PTPRA: variants seen among roughly 807,000 people sequenced by gnomAD.
PTPRA encodes receptor-type tyrosine-protein phosphatase alpha.
In PTPRA, 25 loss-of-function variants were observed where a neutral mutation model predicts 104.8. The ratio of observed to expected loss-of-function variants is 0.24; its 90% CI spans 0.17 to 0.33. The LOEUF is 0.33. Ranked by LOEUF, PTPRA falls within the 10% of genes least tolerant of loss-of-function variation. The pLI, the probability that PTPRA is intolerant of heterozygous loss-of-function variation, is 1.00. For synonymous variants in PTPRA, 323 were observed against 368.9 expected, an observed-to-expected ratio of 0.88 and a Z score of 1.43; for missense variants, 765 against 1,015.3, an observed-to-expected ratio of 0.75 and a Z score of 3.35.
rs907213691 is a variant in PTPRA at position 2,950,516 on chromosome 20, A to G, written c.-7+2492A>G. On this transcript the variant is annotated intron_variant, in intron 3 of 23. Coordinates refer to ENST00000399903, the MANE Select transcript of PTPRA (RefSeq NM_001385305.1). This position sits in a 1 kb window ranked among gnomAD's most constrained non-coding sequence, Gnocchi z 4.0. ...AAATTAGCCGGGCGTGGTGGCAGGC[A>G]CCTGTAGTCCCAGCTACTCAGAAGG... 2.0e-5 allele frequency among the ~76,000 whole-genome samples: 3 copies of G among 151,550 alleles called. No individual in the cohort carries two copies. The highest frequency in any genetic ancestry group is 2.9e-5 in the Non-Finnish European group (2 of 67,880).
chr20:2,875,380 T>C (rs1443897754), intron 1 of PTPRA, among the ~76,000 whole-genome samples: 2 of 152,162 alleles, frequency 1.3e-5, no homozygotes, highest in Non-Finnish European at 2.9e-5. Context: ...ACCTGGCTGA[T>C]ACCGTGCATT....
intron 16 of PTPRA, among the ~76,000 whole-genome samples, chr20:3,023,212 C>T (rs1194681310): frequency 1.3e-5 from 2 of 152,254 alleles, no homozygotes; most frequent in Admixed American, 6.5e-5. Flanking sequence ...CAGTCTCAAG[C>T]ACCCAGGGAC....
intron 9 of PTPRA, among the ~76,000 whole-genome samples, chr20:2,989,805 C>T (rs914703205): frequency 7.9e-4 from 120 of 152,148 alleles, no homozygotes; most frequent in Non-Finnish European, 1.4e-3. Flanking sequence ...ATCACAAGGT[C>T]AGGAGATCGA....
At position 3,000,583 on chromosome 20, in the gene PTPRA, A is replaced by C. The variant is rs182899521; in HGVS notation, c.739-4473A>C. Reference sequence around the variant, plus strand: ...GAAATTCTTGCACATATGCACAAGAAAGATACAAAAATGTGTCTCAAAGCA... The same window carrying C: ...GAAATTCTTGCACATATGCACAAGACAGATACAAAAATGTGTCTCAAAGCA... On this transcript the variant is annotated intron_variant, in intron 9 of 23. Transcript: ENST00000399903. 5.1e-4 allele frequency among the ~76,000 whole-genome samples: 78 copies of C among 152,344 alleles called. No homozygotes were observed. In the Middle Eastern group the frequency reaches 0.01, roughly 20 times the overall value.
chr20:2,948,792 A>C (rs750587865), intron 3 of PTPRA, among the ~76,000 whole-genome samples: 12 of 151,740 alleles, frequency 7.9e-5, no homozygotes, highest in South Asian at 2.1e-4. Context: ...TGTACTAAAA[A>C]TAGAAAAAAA....
chr20:2,938,299 G>A (rs145634031), intron 2 of PTPRA, among the ~76,000 whole-genome samples: 2,902 of 151,898 alleles, frequency 0.019, 96 homozygotes, highest in African/African-American at 0.064. Flanking sequence ...ATTCTCCTGC[G>A]TCAGCCACCC....
chr20:2,964,876 G>A lies in PTPRA; in HGVS notation c.89G>A (p.Gly30Glu). Residue 30 changes from glycine (G) to glutamate (E), a missense_variant, in exon 5 of 24, where the codon GGA (glycine) becomes GAA (glutamate). Gly to Glu is a moderately conservative substitution (Grantham distance 98). Around this residue, in one of 4 missense-constraint regions of PTPRA, gnomAD observed 256 missense variants for 248.9 expected, o/e 1.03. Transcript: ENST00000399903. ...GTGTTTGTAGTTGCACCTTCTGTAG[G>A]AATTACAAGATTAATTAACTCATCA... ...NNATTVAPSV[G>E]ITRLINSSTA... 1.2e-6 allele frequency: 2 copies of A among 1,613,112 alleles called. No homozygotes were observed. The highest frequency in any genetic ancestry group is 1.7e-6 in the Non-Finnish European group (2 of 1,179,322).
chr20:2,985,884 CTTGTTTGTTTGTTTGTTTGTTTGT>C (rs71195807), intron 6 of PTPRA, among the ~76,000 whole-genome samples: 2 of 148,640 alleles, frequency 1.3e-5, no homozygotes, highest in Non-Finnish European at 3.0e-5. Context: ...CAGCTGTCTC[CTTGTTTGTTTGTTTGTTTGTTTGT>C]TTGTTTGTTT....
rs549042019 is a variant in PTPRA, at chr20:3,033,673, G to A, written c.1921-1912G>A. Among the ~76,000 whole-genome samples the A allele has an allele frequency of 1.4e-3, 207 of 152,030 alleles. No homozygotes were observed. In the Middle Eastern group the frequency reaches 0.017, roughly 13 times the overall value. On this transcript the variant is annotated intron_variant, in intron 20 of 23. Coordinates refer to ENST00000399903, the MANE Select transcript of PTPRA (RefSeq NM_001385305.1). Reference sequence around the variant, plus strand: ...TCCCAGCACTTTGGGAGGCCGAGGCGGGTGGATCACCTGAGGTCGGGAGTT... The same window carrying A: ...TCCCAGCACTTTGGGAGGCCGAGGCAGGTGGATCACCTGAGGTCGGGAGTT...
chr20:2,874,578 G>A (rs1029677034), intron 1 of PTPRA, among the ~76,000 whole-genome samples: 1 of 152,126 alleles, frequency 6.6e-6, no homozygotes, highest in Non-Finnish European at 1.5e-5. Context: ...CATCACCCTG[G>A]AGATGGCTTC....
intron 5 of PTPRA, among the ~76,000 whole-genome samples, chr20:2,973,587 G>A (rs1004101654): frequency 2.6e-5 from 4 of 152,238 alleles, no homozygotes; most frequent in African/African-American, 7.2e-5. Context: ...TAACAATATT[G>A]CCCTTATCTG....
chr20:3,022,324 A>G lies in PTPRA; in HGVS notation c.1328+104A>G. On this transcript the variant is annotated intron_variant, in intron 15 of 23. Transcript: ENST00000399903. This position sits in a 1 kb window ranked among gnomAD's most constrained non-coding sequence, Gnocchi z 4.6. ...CTGGCTGAGGAGGCTGGCACAGAGT[A>G]GATGACCTACTGGGGCACCAGCGCA... The G allele has an allele frequency of 6.4e-6, 9 of 1,408,524 alleles. No homozygotes were observed. In the Admixed American group the frequency reaches 1.5e-4, roughly 23 times the overall value. 87.3% of individuals were successfully genotyped at this position (1,408,524 alleles called of 1,614,324 possible). A position where few individuals can be genotyped will look rare whatever the true frequency, so the allele number is the denominator to read the frequency against.
In PTPRA at chr20:3,017,573, G is replaced by A. The variant is rs75356450; in HGVS notation, c.944-243G>A. Among the ~76,000 whole-genome samples the A allele has an allele frequency of 2.4e-3, 362 of 152,256 alleles. No individual in the cohort carries two copies. The Middle Eastern group carries it at 0.024, about 10-fold the overall frequency. On this transcript the variant is annotated intron_variant, in intron 12 of 23. Transcript: ENST00000399903. ...GTAATATCCTTGGGAGACATCATTC[G>A]TGTTCTGTTTATATTTTTGACAGCC...
chr20:3,025,617 C>T (rs767559981), intron 17 of PTPRA, among the ~76,000 whole-genome samples: 1 of 151,896 alleles, frequency 6.6e-6, no homozygotes, highest in Non-Finnish European at 1.5e-5. Context: ...TGCCTGTAAT[C>T]CCAGCACTTT....
At chr20:2,906,576 A>G (rs937637725) in intron 1 of PTPRA, among the ~76,000 whole-genome samples, 2 of 152,246 alleles carry the variant, frequency 1.3e-5, no homozygotes, top group Non-Finnish European at 2.9e-5. Context: ...ATTGAAATAC[A>G]GGTATACTAA....
chr20:2,961,289 CAT>C (rs1281992410), intron 3 of PTPRA, among the ~76,000 whole-genome samples: 1 of 152,170 alleles, frequency 6.6e-6, no homozygotes, highest in Non-Finnish European at 1.5e-5. Context: ...TTCTTACAAA[CAT>C]GTAGTATTGT....
chr20:3,011,588 A>G (rs568646382), intron 11 of PTPRA, among the ~76,000 whole-genome samples: 2 of 152,348 alleles, frequency 1.3e-5, no homozygotes, highest in South Asian at 2.1e-4. Context: ...AAGGAGAAAC[A>G]TGAGCAAAGT....
intron 20 of PTPRA, among the ~76,000 whole-genome samples, chr20:3,032,701 G>A (rs1600289020): frequency 6.6e-6 from 1 of 151,600 alleles, no homozygotes; most frequent in Non-Finnish European, 1.5e-5. Context: ...GGGAGCTGAA[G>A]GTTGCAATGA....
intron 9 of PTPRA, among the ~76,000 whole-genome samples, chr20:2,993,688 G>A (rs538104000): frequency 1.3e-5 from 2 of 152,336 alleles, no homozygotes; most frequent in South Asian, 2.1e-4. Flanking sequence ...AAGATCCTGC[G>A]GTTCACATGG....
Sources: gnomAD v4.1 joint callset for allele counts (sites outside exome capture counted in the v4.1 genomes callset) on GRCh38, gnomAD v4.1.1 for gene constraint, gnomAD v4.1.1 regional missense constraint, Gnocchi (gnomAD v3.1) non-coding constraint, MANE v1.5 for transcripts, NCBI Gene and HGNC (gene_info 2026-07-23, HGNC 2026-07-21) for gene names.